The following DPY19L1 variants were observed in gnomAD, a reference collection of about 807,000 sequenced individuals.
DPY19L1 encodes dpy-19 like C-mannosyltransferase 1.
DPY19L1 carries 35 observed loss-of-function variants against 96.9 expected under a neutral mutation model. That is an observed-to-expected ratio of 0.36 (90% CI 0.28 to 0.48). The LOEUF (loss-of-function observed/expected upper bound fraction) is 0.48, where lower values mean the gene tolerates loss of function less well. Among genes scored for constraint, DPY19L1 ranks in the 20% least tolerant of loss-of-function variants. The pLI is 0.99. For missense variants in DPY19L1, 521 were observed against 777.9 expected, an observed-to-expected ratio of 0.67 and a Z score of 3.93; for synonymous variants, 205 against 252.6, an observed-to-expected ratio of 0.81 and a Z score of 1.79.
intron 7 of DPY19L1, among the ~76,000 whole-genome samples, chr7:34,979,968 C>T (rs575952853): frequency 2.0e-5 from 3 of 151,818 alleles, no homozygotes; most frequent in East Asian, 3.9e-4. Context: ...GCAATACTGA[C>T]GAAGAACAAG....
chr7:35,022,153 TGA>T (rs1786010055), intron 1 of DPY19L1, among the ~76,000 whole-genome samples: 1 of 152,224 alleles, frequency 6.6e-6, no homozygotes, highest in African/African-American at 2.4e-5. Flanking sequence ...TCGACGTTTT[TGA>T]GAGTGTAACA....
chr7:34,950,041 T>C (rs1479380139), intron 13 of DPY19L1, 143 bp from the exon 14 acceptor site: 2 of 489,056 alleles, frequency 4.1e-6, no homozygotes, highest in African/African-American at 2.1e-5. Flanking sequence ...AAGAAGGAAA[T>C]GCTATATCCT....
chr7:35,014,182 G>A (rs539914596), intron 3 of DPY19L1, among the ~76,000 whole-genome samples: 1 of 152,216 alleles, frequency 6.6e-6, no homozygotes, highest in African/African-American at 2.4e-5. Flanking sequence ...CAAATGTGTT[G>A]AGAAGGCTAC....
In DPY19L1 at chr7:34,973,527, T is replaced by C; in HGVS notation, c.901A>G (p.Thr301Ala). 6.5e-7 allele frequency: 1 copy of C among 1,533,968 alleles called. No individual in the cohort carries two copies. The highest frequency in any genetic ancestry group is 2.4e-5 in the East Asian group (1 of 42,158). The change falls in exon 8 of 22, where the codon ACT becomes GCT. Residue 301 changes from threonine to alanine, a missense_variant. Coordinates refer to ENST00000638088, the MANE Select transcript of DPY19L1 (RefSeq NM_001366673.1). ...AGTCAAAGTTACCTGAGAATATGAG[T>C]CACTAGCAACATCTGAAGAACAAGA... Reference protein sequence around the residue: ...PFLVLQMLLVTHILRATKLYR... With the variant: ...PFLVLQMLLVAHILRATKLYR...
At chr7:34,969,094 A>G (rs1784671915) in intron 9 of DPY19L1, among the ~76,000 whole-genome samples, 1 of 152,102 alleles carries the variant, frequency 6.6e-6, no homozygotes, top group African/African-American at 2.4e-5. Flanking sequence ...AGTTAACTTA[A>G]GAGAAATACT....
At chr7:34,953,466 A>G (rs1344059792) in intron 13 of DPY19L1, among the ~76,000 whole-genome samples, 1 of 152,156 alleles carries the variant, frequency 6.6e-6, no homozygotes, top group East Asian at 1.9e-4. Context: ...CACGCTCTGC[A>G]TATTGGCTGA....
intron 2 of DPY19L1, 35 bp from the exon 3 acceptor site, chr7:35,018,004 T>G (rs368615842): frequency 9.6e-6 from 14 of 1,456,418 alleles, no homozygotes; most frequent in South Asian, 1.3e-5. Flanking sequence ...GTGTTAAAAC[T>G]TACACTCTAA....
intron 14 of DPY19L1, among the ~76,000 whole-genome samples, chr7:34,948,545 G>C (rs190019477): frequency 2.0e-5 from 3 of 152,262 alleles, no homozygotes; most frequent in Admixed American, 1.3e-4. Flanking sequence ...AAACAGTTTT[G>C]CTATTTTCTT....
chr7:34,984,278 T>A (rs2128670952), intron 7 of DPY19L1, among the ~76,000 whole-genome samples: 1 of 152,254 alleles, frequency 6.6e-6, no homozygotes, highest in East Asian at 1.9e-4. Flanking sequence ...CAAACTGAAA[T>A]GCCCAGTTGT....
intron 6 of DPY19L1, among the ~76,000 whole-genome samples, chr7:35,004,688 A>G (rs1248791147): frequency 6.6e-6 from 1 of 152,266 alleles, no homozygotes; most frequent in Non-Finnish European, 1.5e-5. Context: ...TGGGTCATAG[A>G]TAATACACTC....
At chr7:34,990,945 A>G (rs1785153444) in intron 6 of DPY19L1, among the ~76,000 whole-genome samples, 1 of 152,236 alleles carries the variant, frequency 6.6e-6, no homozygotes, top group African/African-American at 2.4e-5. Flanking sequence ...CTTGTGATGT[A>G]TCAATGAGGA....
chr7:34,974,557 G>A (rs1397892792), intron 7 of DPY19L1, among the ~76,000 whole-genome samples: 2 of 152,134 alleles, frequency 1.3e-5, no homozygotes, highest in African/African-American at 4.8e-5. Flanking sequence ...ATTTATGAAT[G>A]AACTACTCAC....
intron 6 of DPY19L1, among the ~76,000 whole-genome samples, chr7:34,996,566 A>C (rs1327689613): frequency 6.6e-6 from 1 of 151,978 alleles, no homozygotes; most frequent in Non-Finnish European, 1.5e-5. Flanking sequence ...ATACCAGCTC[A>C]GGCTCCCATC....
At position 34,941,855 on chromosome 7, in the gene DPY19L1, T is replaced by C. The variant is rs376525655; in HGVS notation, c.1599A>G (p.Ala533=). Reference sequence around the variant, plus strand: ...TAATTAAAATACCAAGGGCTGTATATGCTAACAATTGCAATGCATGGTAAA... The same window carrying C: ...TAATTAAAATACCAAGGGCTGTATACGCTAACAATTGCAATGCATGGTAAA... ...ELVYHALQLL[A]YTALGILIMR... Residue 533 remains alanine, a synonymous_variant, in exon 18 of 22, where the codon GCA becomes GCG. Transcript: ENST00000638088. 5 of 1,573,110 alleles carry C rather than the reference T, an allele frequency of 3.2e-6. No homozygotes were observed. The highest frequency in any genetic ancestry group is 1.2e-5 in the South Asian group (1 of 85,304).
intron 10 of DPY19L1, among the ~76,000 whole-genome samples, chr7:34,965,776 GT>G (rs1208200512): frequency 6.6e-6 from 1 of 152,154 alleles, no homozygotes; most frequent in African/African-American, 2.4e-5. Flanking sequence ...GACAATGTTT[GT>G]TTTTAAAGGA....
chr7:34,957,923 A>C, intron 11 of DPY19L1, 61 bp downstream of exon 11: 1 of 1,119,438 alleles, frequency 8.9e-7, no homozygotes, highest in Non-Finnish European at 1.3e-6. Flanking sequence ...AAGCCAGTGA[A>C]GAAAAAATTG....
At chr7:35,036,666 G>A (rs1786408816) in intron 1 of DPY19L1, among the ~76,000 whole-genome samples, 1 of 152,118 alleles carries the variant, frequency 6.6e-6, no homozygotes, top group Non-Finnish European at 1.5e-5. Context: ...TCTACGACAT[G>A]GAACGTGCGT....
At chr7:35,027,708 C>T (rs1037942396) in intron 1 of DPY19L1, among the ~76,000 whole-genome samples, 26 of 119,704 alleles carry the variant, frequency 2.2e-4, no homozygotes, top group Non-Finnish European at 1.1e-4. Context: ...CATGGTGGCA[C>T]ATGTCTGTAA....
intron 7 of DPY19L1, among the ~76,000 whole-genome samples, chr7:34,985,352 T>C (rs995385982): frequency 6.6e-6 from 1 of 152,130 alleles, no homozygotes; most frequent in African/African-American, 2.4e-5. Flanking sequence ...AAAATGCTTC[T>C]GCACAACAAA....
Sources: allele counts gnomAD v4.1 joint callset (sites outside exome capture counted in the v4.1 genomes callset), GRCh38; gene constraint gnomAD v4.1.1; transcripts MANE v1.5; gene names NCBI Gene and HGNC (gene_info 2026-07-23, HGNC 2026-07-21).